Variants in ATG13 observed in about 807,000 individuals in gnomAD.
ATG13 encodes the protein autophagy-related protein 13.
ATG13 carries 23 observed loss-of-function variants against 65.5 expected under a neutral mutation model. That is an observed-to-expected ratio of 0.35 (90% CI 0.25 to 0.50). The LOEUF is 0.50. Ranked by LOEUF, ATG13 falls within the 20% of genes least tolerant of loss-of-function variation. The pLI is 0.98. For synonymous variants in ATG13, 252 were observed against 245.2 expected, an observed-to-expected ratio of 1.03 and a Z score of -0.26; for missense variants, 566 against 677.0, an observed-to-expected ratio of 0.84 and a Z score of 1.82.
intron 4 of ATG13, 132 bp downstream of exon 4, chr11:46,645,551 C>T: frequency 1.2e-6 from 1 of 820,052 alleles, no homozygotes; most frequent in Non-Finnish European, 1.9e-6. Flanking sequence ...CCATTTGATC[C>T]ATTTACTTGA....
chr11:46,665,362 T>G (rs2062064330), intron 13 of ATG13, 21 bp from the exon 14 acceptor site: 1 of 1,611,408 alleles, frequency 6.2e-7, no homozygotes, highest in Admixed American at 1.7e-5. Flanking sequence ...ATTCACTGTC[T>G]CTTTCCATTT....
chr11:46,654,309 A>ATATATATATATATATG (rs1565550648), intron 7 of ATG13, among the ~76,000 whole-genome samples: 1 of 143,824 alleles, frequency 7.0e-6, no homozygotes, highest in African/African-American at 2.6e-5. Flanking sequence ...ATATATATAT[A>ATATATATATATATATG]TGTAAAAGAG....
intron 11 of ATG13, among the ~76,000 whole-genome samples, chr11:46,660,700 G>A (rs1055521057): frequency 2.0e-5 from 3 of 149,892 alleles, no homozygotes; most frequent in African/African-American, 7.4e-5. Flanking sequence ...GAGCCACTGC[G>A]CCCGGCCTTT....
chr11:46,653,120 C>A lies in ATG13; in HGVS notation c.458+2803C>A, dbSNP rs185757702. Among the ~76,000 whole-genome samples the A allele has an allele frequency of 9.4e-3, 1,416 of 151,210 alleles. 23 individuals are homozygous for A. Among genetic ancestry groups the A allele is most frequent in the Non-Finnish European group, 0.011 (742 of 67,854 alleles). On this transcript the variant is annotated intron_variant, in intron 7 of 18. Transcript: ENST00000683050. ...TGCTTTTTTAGTATCTTTTGTCTGT[C>A]GTATCTGTAGTACTTTTGTGCTTTG...
In ATG13 at chr11:46,672,405, G is replaced by C. The variant is rs1032944859; in HGVS notation, c.*73G>C. ...ATAAGCAGCCTCCCATGCATCAGCT[G>C]CTCCCACCCCTCATCCTGCTCTGAG... is the stretch of plus-strand genomic sequence containing the variant. On this transcript the variant is annotated 3_prime_UTR_variant, in exon 19 of 19. Coordinates refer to ENST00000683050, the MANE Select transcript of ATG13 (RefSeq NM_001346311.2). 6.2e-7 allele frequency: 1 copy of C among 1,610,668 alleles called. No individual in the cohort carries two copies. Among genetic ancestry groups the C allele is most frequent in the African/African-American group, 1.3e-5 (1 of 75,008 alleles).
chr11:46,645,285 A>G (rs1197322856), intron 3 of ATG13, 54 bp from the exon 4 acceptor site: 1 of 1,502,026 alleles, frequency 6.7e-7, no homozygotes, highest in African/African-American at 1.4e-5. Flanking sequence ...GAGCCAGATT[A>G]GTCTAAGACT....
chr11:46,618,764 C>A (rs547841557), intron 1 of ATG13, among the ~76,000 whole-genome samples: 1 of 151,054 alleles, frequency 6.6e-6, no homozygotes, highest in East Asian at 1.9e-4. Context: ...TTGTTGTTTT[C>A]AACTCTCCAT....
At chr11:46,645,231 GC>G (rs1169891160) in intron 3 of ATG13, 107 bp from the exon 4 acceptor site, 1 of 817,220 alleles carries the variant, frequency 1.2e-6, no homozygotes, top group African/African-American at 1.8e-5. Context: ...TGATTAATTG[GC>G]ATCTTTTAAA....
At chr11:46,662,267 T>C (rs917118744) in intron 11 of ATG13, among the ~76,000 whole-genome samples, 2 of 152,230 alleles carry the variant, frequency 1.3e-5, no homozygotes, top group Non-Finnish European at 2.9e-5. Context: ...CTAAAAGATA[T>C]GTCAAATTTA....
intron 7 of ATG13, among the ~76,000 whole-genome samples, chr11:46,655,836 T>A (rs2059933742): frequency 6.6e-6 from 1 of 152,144 alleles, no homozygotes; most frequent in Non-Finnish European, 1.5e-5. Flanking sequence ...TTCCTGGGCT[T>A]AAGTGATCCT....
rs1592334425 is a variant in ATG13 at position 46,672,161 on chromosome 11, G to A, written c.1576-94G>A. ...CTCGGCCCAGCTAGGGCTGAGCTTC[G>A]TCTTGCTTGCTGCCTCCCCTCTTCG... On this transcript the variant is annotated intron_variant, in intron 18 of 18. Coordinates refer to ENST00000683050, the MANE Select transcript of ATG13 (RefSeq NM_001346311.2). 8.8e-6 allele frequency: 14 copies of A among 1,589,266 alleles called. No homozygotes were observed. In the East Asian group the frequency reaches 1.1e-4, roughly 13 times the overall value.
chr11:46,644,980 T>C (rs149459463), intron 3 of ATG13, among the ~76,000 whole-genome samples: 15 of 152,336 alleles, frequency 9.8e-5, no homozygotes, highest in South Asian at 2.1e-4. Flanking sequence ...CATGGTGTTA[T>C]AAGTTTGTGG....
intron 5 of ATG13, among the ~76,000 whole-genome samples, chr11:46,646,195 C>T (rs539204606): frequency 5.6e-4 from 85 of 152,288 alleles, no homozygotes; most frequent in African/African-American, 1.9e-3. Context: ...GTCGCCCAGG[C>T]TGGAGTGCAG....
chr11:46,620,070 C>T (rs1176445740), intron 1 of ATG13, among the ~76,000 whole-genome samples: 4 of 150,924 alleles, frequency 2.7e-5, no homozygotes, highest in Non-Finnish European at 5.9e-5. Context: ...ATATAGGTTA[C>T]ATAGGCAATT....
Position 46,674,392 on chromosome 11 carries a change from T to C in ATG13, c.*2060T>C, listed in dbSNP as rs2064352156. ...ACCCCCGGGACAGGCTGGGACCAGC[T>C]GTTTGTCTCCAGGTGTCAGAGTCCC... On this transcript the variant is annotated 3_prime_UTR_variant, in exon 19 of 19. Transcript: ENST00000683050. The C allele has an allele frequency of 1.3e-5, 2 of 152,302 alleles. No individual in the cohort carries two copies. Among genetic ancestry groups the C allele is most frequent in the Non-Finnish European group, 2.9e-5 (2 of 68,098 alleles). The allele number at this position is 152,302 out of a possible 1,614,324, so 9.4% of individuals were successfully genotyped here. A position where few individuals can be genotyped will look rare whatever the true frequency, so the allele number is the denominator to read the frequency against.
chr11:46,669,651 A>C, intron 18 of ATG13, 119 bp downstream of exon 18: 3 of 1,259,088 alleles, frequency 2.4e-6, no homozygotes, highest in Non-Finnish European at 3.3e-6. Flanking sequence ...ACATAATTAG[A>C]AAATTATCTT....
intron 1 of ATG13, among the ~76,000 whole-genome samples, chr11:46,628,405 C>A (rs1285210085): frequency 1.3e-5 from 2 of 151,834 alleles, no homozygotes; most frequent in Non-Finnish European, 2.9e-5. Context: ...TCAAAAAAAA[C>A]CTGAAAACAA....
intron 5 of ATG13, 126 bp downstream of exon 5, chr11:46,646,115 G>T: frequency 7.7e-7 from 1 of 1,293,746 alleles, no homozygotes; most frequent in Non-Finnish European, 1.0e-6. Flanking sequence ...TCTCTGAGGG[G>T]GTCATAGTTT....
intron 1 of ATG13, among the ~76,000 whole-genome samples, chr11:46,624,239 A>G (rs561268272): frequency 1.3e-5 from 2 of 152,046 alleles, no homozygotes; most frequent in East Asian, 3.9e-4. Flanking sequence ...CTTGACCTCA[A>G]GTGTTTACAC....
Sources: allele counts gnomAD v4.1 joint callset (sites outside exome capture counted in the v4.1 genomes callset), GRCh38; gene constraint gnomAD v4.1.1; transcripts MANE v1.5; gene names NCBI Gene and HGNC (gene_info 2026-07-23, HGNC 2026-07-21).